The following UNC13C variants were observed in gnomAD, a reference collection of about 807,000 sequenced individuals.
The protein encoded by UNC13C is protein unc-13 homolog C.
In UNC13C, 174 loss-of-function variants were observed where a neutral mutation model predicts 245.4. That is an observed-to-expected ratio of 0.71 (90% CI 0.63 to 0.80). The LOEUF (loss-of-function observed/expected upper bound fraction) is 0.80. Ranked by LOEUF, UNC13C falls within the 30% of genes least tolerant of loss-of-function variation. The pLI is 0.00. For missense variants in UNC13C, 2,829 were observed against 2,602.9 expected, an observed-to-expected ratio of 1.09 and a Z score of -1.89; for synonymous variants, 992 against 895.1, an observed-to-expected ratio of 1.11 and a Z score of -1.93.
chr15:54,620,443 CATA>C (rs1900722845), intron 30 of UNC13C, among the ~76,000 whole-genome samples: 1 of 152,178 alleles, frequency 6.6e-6, no homozygotes, highest in African/African-American at 2.4e-5. Context: ...TCAAAACTCA[CATA>C]TTGCCCTACT....
the UNC13C span, among the ~76,000 whole-genome samples, chr15:53,954,629 G>A: frequency 6.6e-5 from 10 of 152,234 alleles, no homozygotes; most frequent in Admixed American, 2.6e-4. Context: ...AGGTTTTGCC[G>A]TCTAATTATA....
intron 1 of UNC13C, among the ~76,000 whole-genome samples, chr15:53,987,299 A>G (rs1005904267): frequency 2.0e-5 from 3 of 152,024 alleles, no homozygotes; most frequent in Admixed American, 1.3e-4. Context: ...GGGAGGTAGT[A>G]GAAATTATTG....
chr15:54,584,460 T>C (rs145086845), intron 30 of UNC13C, among the ~76,000 whole-genome samples: 1 of 152,272 alleles, frequency 6.6e-6, no homozygotes, highest in East Asian at 1.9e-4. Context: ...GACCATAACC[T>C]CCAGTGCAGA....
intron 4 of UNC13C, among the ~76,000 whole-genome samples, chr15:54,212,620 T>G (rs2414295): frequency 0.27 from 40,625 of 151,968 alleles, 5,536 homozygotes; most frequent in Middle Eastern, 0.33. Flanking sequence ...ATCCCAAATC[T>G]ACATAGTTTT....
At chr15:54,622,026 T>TAAC (rs1900827753) in intron 30 of UNC13C, among the ~76,000 whole-genome samples, 1 of 152,136 alleles carries the variant, frequency 6.6e-6, no homozygotes, top group Non-Finnish European at 1.5e-5. Context: ...GAAATGAATA[T>TAAC]AACTTCATTA....
At chr15:54,232,938 A>T (rs905976505) in intron 4 of UNC13C, among the ~76,000 whole-genome samples, 1 of 152,144 alleles carries the variant, frequency 6.6e-6, no homozygotes, top group African/African-American at 2.4e-5. Flanking sequence ...AGGGTCAAGT[A>T]TGAATTGGCA....
chr15:54,183,225 C>A (rs929926450), intron 4 of UNC13C, among the ~76,000 whole-genome samples: 1 of 151,528 alleles, frequency 6.6e-6, no homozygotes, highest in Admixed American at 6.6e-5. Flanking sequence ...TAAATACATT[C>A]TTTAAGTTTA....
At chr15:54,609,827 AG>A (rs1303407945) in intron 30 of UNC13C, among the ~76,000 whole-genome samples, 4 of 152,180 alleles carry the variant, frequency 2.6e-5, no homozygotes, top group Non-Finnish European at 4.4e-5. Context: ...ATGGCTGGGG[AG>A]GCCTCAGGAA....
At chr15:54,146,524 T>C (rs1465290384) in intron 4 of UNC13C, among the ~76,000 whole-genome samples, 1 of 152,240 alleles carries the variant, frequency 6.6e-6, no homozygotes, top group Non-Finnish European at 1.5e-5. Context: ...GCAAATGTCA[T>C]TCTGTTTTTC....
chr15:54,070,886 A>G (rs1019146027), intron 2 of UNC13C, among the ~76,000 whole-genome samples: 2 of 152,192 alleles, frequency 1.3e-5, no homozygotes, highest in Admixed American at 6.5e-5. Flanking sequence ...CTATTAGTCC[A>G]GTTTTATTTT....
chr15:54,234,953 T>C (rs1282479850), intron 4 of UNC13C, 77 bp from the exon 5 acceptor site: 30 of 1,289,060 alleles, frequency 2.3e-5, no homozygotes, highest in Middle Eastern at 1.8e-4. Context: ...ACAGACTTTA[T>C]ACCATGAACA....
At chr15:53,951,162 A>C in the UNC13C span, among the ~76,000 whole-genome samples, 1 of 152,202 alleles carries the variant, frequency 6.6e-6, no homozygotes, top group African/African-American at 2.4e-5. Context: ...CAAGTGTGAA[A>C]ATATCTAACA....
chr15:53,852,577 C>G, the UNC13C span, among the ~76,000 whole-genome samples: 1 of 152,126 alleles, frequency 6.6e-6, no homozygotes, highest in East Asian at 1.9e-4. Flanking sequence ...ACTTCTGCCT[C>G]TCTGAAATCT....
intron 25 of UNC13C, among the ~76,000 whole-genome samples, chr15:54,530,278 G>A (rs1895676131): frequency 6.6e-6 from 1 of 152,102 alleles, no homozygotes; most frequent in East Asian, 1.9e-4. Context: ...CACCTTCATG[G>A]AGTTGCCATT....
At chr15:54,178,662 C>A (rs929403909) in intron 4 of UNC13C, among the ~76,000 whole-genome samples, 21 of 152,074 alleles carry the variant, frequency 1.4e-4, no homozygotes, top group Non-Finnish European at 2.6e-4. Flanking sequence ...AAGGGTCAGG[C>A]TTTGCTCACA....
At chr15:54,267,529 G>A (rs774833997) in intron 10 of UNC13C, among the ~76,000 whole-genome samples, 32 of 152,022 alleles carry the variant, frequency 2.1e-4, no homozygotes, top group African/African-American at 5.1e-4. Flanking sequence ...AGAAATAGAT[G>A]TTGCATTTTG....
intron 2 of UNC13C, among the ~76,000 whole-genome samples, chr15:54,024,831 C>G (rs1164181726): frequency 1.4e-4 from 21 of 152,086 alleles, no homozygotes; most frequent in Admixed American, 1.4e-3. Flanking sequence ...AGGAGAATGG[C>G]GTGAACCCGG....
chr15:54,110,323 C>A (rs535698523), intron 2 of UNC13C, among the ~76,000 whole-genome samples: 4 of 151,804 alleles, frequency 2.6e-5, no homozygotes, highest in South Asian at 2.1e-4. Context: ...ACTTCTTAAC[C>A]TAATCTGGGA....
At chr15:54,038,882 A>G (rs1451925128) in intron 2 of UNC13C, among the ~76,000 whole-genome samples, 1 of 152,166 alleles carries the variant, frequency 6.6e-6, no homozygotes, top group Non-Finnish European at 1.5e-5. Flanking sequence ...AACTTAACAC[A>G]GTTACAATAT....
Sources: gnomAD v4.1 joint callset for allele counts (sites outside exome capture counted in the v4.1 genomes callset) on GRCh38, gnomAD v4.1.1 for gene constraint, MANE v1.5 for transcripts, NCBI Gene and HGNC (gene_info 2026-07-23, HGNC 2026-07-21) for gene names.